GPR137C: variants seen among roughly 807,000 people sequenced by gnomAD.
GPR137C encodes integral membrane protein GPR137C.
A neutral mutation model predicts 43.4 loss-of-function variants in GPR137C; 27 were observed. The observed-to-expected ratio is 0.62, with a 90% CI of 0.46 to 0.86. GPR137C has a LOEUF of 0.86. GPR137C is among the 40% of genes least tolerant of loss of function. The probability of loss-of-function intolerance (pLI) is 0.00; values close to 1 mark genes in which losing one functional copy is unlikely to be tolerated. For synonymous variants in GPR137C, 285 were observed against 226.9 expected, an observed-to-expected ratio of 1.26 and a Z score of -2.30; for missense variants, 522 against 534.6, an observed-to-expected ratio of 0.98 and a Z score of 0.23.
chr14:52,570,882 T>C (rs1236853556), intron 1 of GPR137C, among the ~76,000 whole-genome samples: 1 of 152,024 alleles, frequency 6.6e-6, no homozygotes. Flanking sequence ...TCCCACACAA[T>C]AATAGTGGGA....
intron 1 of GPR137C, among the ~76,000 whole-genome samples, chr14:52,564,457 T>C (rs2038336052): frequency 6.6e-6 from 1 of 152,110 alleles, no homozygotes; most frequent in African/African-American, 2.4e-5. Flanking sequence ...CTACTTGCCA[T>C]ATTCCTTCTG....
chr14:52,598,095 T>C (rs926284073), intron 1 of GPR137C, among the ~76,000 whole-genome samples, 177 bp from the exon 2 acceptor site: 2 of 152,226 alleles, frequency 1.3e-5, no homozygotes, highest in Non-Finnish European at 2.9e-5. Context: ...TATTGATTTA[T>C]TGTTTTAAGC....
chr14:52,598,384 T>G (rs2038882648), intron 2 of GPR137C, 69 bp downstream of exon 2: 1 of 659,558 alleles, frequency 1.5e-6, no homozygotes, highest in African/African-American at 1.9e-5. Flanking sequence ...TATTAAGGCT[T>G]AGTATCTAAA....
At chr14:52,620,726 A>G (rs1041705647) in intron 3 of GPR137C, among the ~76,000 whole-genome samples, 1 of 152,008 alleles carries the variant, frequency 6.6e-6, no homozygotes, top group Non-Finnish European at 1.5e-5. Flanking sequence ...GAGAAATAAA[A>G]ACTATTAAAA....
At chr14:52,632,920 A>C (rs2039311484) in intron 4 of GPR137C, among the ~76,000 whole-genome samples, 1 of 152,046 alleles carries the variant, frequency 6.6e-6, no homozygotes. Flanking sequence ...TCATATCTTT[A>C]TAGTAATTTA....
intron 1 of GPR137C, among the ~76,000 whole-genome samples, chr14:52,566,887 G>C (rs1469679989): frequency 6.6e-6 from 1 of 152,150 alleles, no homozygotes; most frequent in Non-Finnish European, 1.5e-5. Flanking sequence ...TGAGGCGGGT[G>C]GATCATCTGA....
intron 1 of GPR137C, 88 bp from the exon 2 acceptor site, chr14:52,598,184 G>A: frequency 2.0e-6 from 1 of 507,186 alleles, no homozygotes; most frequent in Non-Finnish European, 3.6e-6. Flanking sequence ...TATTTATAGT[G>A]GTAGCACTTT....
intron 1 of GPR137C, among the ~76,000 whole-genome samples, chr14:52,558,133 A>G (rs2038222973): frequency 6.6e-6 from 1 of 151,418 alleles, no homozygotes; most frequent in South Asian, 2.1e-4. Flanking sequence ...GAATGATAAA[A>G]TATCACACAA....
At chr14:52,628,209 T>G (rs2039252087) in intron 3 of GPR137C, among the ~76,000 whole-genome samples, 1 of 152,208 alleles carries the variant, frequency 6.6e-6, no homozygotes, top group South Asian at 2.1e-4. Context: ...CTACACTTAA[T>G]GTGGTTTATT....
At chr14:52,580,764 A>T (rs2038631594) in intron 1 of GPR137C, among the ~76,000 whole-genome samples, 1 of 148,012 alleles carries the variant, frequency 6.8e-6, no homozygotes, top group African/African-American at 2.5e-5. Flanking sequence ...AAATATATAT[A>T]TTTTTTAGTA....
chr14:52,565,659 T>C (rs1411745210), intron 1 of GPR137C, among the ~76,000 whole-genome samples: 1 of 152,228 alleles, frequency 6.6e-6, no homozygotes, highest in Non-Finnish European at 1.5e-5. Flanking sequence ...AATTTAAAAG[T>C]AGCATTTTCT....
At position 52,633,589 on chromosome 14, in the gene GPR137C, G is replaced by T. The variant is rs1401780132; in HGVS notation, c.927G>T (p.Leu309=). The part of the protein sequence containing the change: ...EYIVFGMVLF[L]WEHVPAWSVV... ...TAGTATTTGGAATGGTCCTCTTTCT[G>T]TGGGAACATGTGCCAGCATGGTCGG... Residue 309 remains leucine (L), a synonymous_variant, in exon 5 of 7, where the codon CTG becomes CTT. Coordinates refer to ENST00000321662, the MANE Select transcript of GPR137C (RefSeq NM_001099652.2). 6.2e-7 allele frequency: 1 copy of T among 1,612,824 alleles called. No homozygotes were observed. Among genetic ancestry groups the T allele is most frequent in the Non-Finnish European group, 8.5e-7 (1 of 1,179,064 alleles).
chr14:52,561,199 T>C (rs936289089), intron 1 of GPR137C, among the ~76,000 whole-genome samples: 4 of 152,194 alleles, frequency 2.6e-5, no homozygotes. Context: ...ACACCAACTA[T>C]TGGCCAAAAT....
Position 52,635,226 on chromosome 14 carries a change from A to T in GPR137C, c.*111A>T. Reference sequence around the variant, plus strand: ...ATTATCTGTTGCAACTGAAAACAAAATCTGGAAGTGTGGCTGTGTTTGGTA... The same window carrying T: ...ATTATCTGTTGCAACTGAAAACAAATTCTGGAAGTGTGGCTGTGTTTGGTA... On this transcript the variant is annotated 3_prime_UTR_variant, in exon 7 of 7. Coordinates refer to ENST00000321662, the MANE Select transcript of GPR137C (RefSeq NM_001099652.2). 1.2e-6 allele frequency: 1 copy of T among 840,274 alleles called. No individual in the cohort carries two copies. Among genetic ancestry groups the T allele is most frequent in the Non-Finnish European group, 1.7e-6 (1 of 571,918 alleles). The allele number at this position is 840,274 out of a possible 1,614,324, so 52.1% of individuals were successfully genotyped here.
In GPR137C at chr14:52,553,496, G is replaced by A; in HGVS notation, c.349G>A (p.Ala117Thr). ...CTCCCTGCCCTTGCTCCGGCCGCCC[G>A]CTCACCTGCACTTCTTCCCCCACTG... The part of the protein sequence containing the change: ...SGSLPLLRPP[A>T]HLHFFPHWLL... Residue 117 changes from alanine (A) to threonine (T), a missense_variant, in exon 1 of 7, where the codon GCT (alanine) becomes ACT (threonine). Around this residue, in one of 3 missense-constraint regions of GPR137C, gnomAD observed 437 missense variants for 425.7 expected, o/e 1.03. Transcript: ENST00000321662. 1 of 1,608,868 alleles carries A rather than the reference G, an allele frequency of 6.2e-7. No individual in the cohort carries two copies.
intron 1 of GPR137C, among the ~76,000 whole-genome samples, chr14:52,563,391 G>C (rs1309903540): frequency 6.6e-6 from 1 of 152,136 alleles, no homozygotes. Flanking sequence ...TGGCTCTGTA[G>C]ATTCTGCACT....
chr14:52,561,762 T>G (rs2038287216), intron 1 of GPR137C, among the ~76,000 whole-genome samples: 1 of 152,142 alleles, frequency 6.6e-6, no homozygotes, highest in African/African-American at 2.4e-5. Flanking sequence ...ATATTAAATT[T>G]TAGAAAGTGC....
chr14:52,604,488 C>T (rs996847178), intron 3 of GPR137C, among the ~76,000 whole-genome samples: 2 of 151,708 alleles, frequency 1.3e-5, no homozygotes, highest in African/African-American at 2.4e-5. Context: ...GTCTGTCACC[C>T]AGACTCTAGT....
At chr14:52,597,938 CTAATA>C (rs1261108689) in intron 1 of GPR137C, among the ~76,000 whole-genome samples, 1 of 152,158 alleles carries the variant, frequency 6.6e-6, no homozygotes, top group East Asian at 1.9e-4. Context: ...TAAAACATGA[CTAATA>C]TAATGAAGTT....
Sources: gnomAD v4.1 joint callset for allele counts (sites outside exome capture counted in the v4.1 genomes callset) on GRCh38, gnomAD v4.1.1 for gene constraint, gnomAD v4.1.1 regional missense constraint, MANE v1.5 for transcripts, NCBI Gene and HGNC (gene_info 2026-07-23, HGNC 2026-07-21) for gene names.